Variants in GLG1 observed in about 807,000 individuals in gnomAD.
GLG1 encodes the protein golgi glycoprotein 1.
GLG1 carries 38 observed loss-of-function variants against 160.5 expected under a neutral mutation model. That is an observed-to-expected ratio of 0.24 (90% CI 0.18 to 0.31). The LOEUF (loss-of-function observed/expected upper bound fraction) is 0.31, where lower values mean the gene tolerates loss of function less well. Ranked by LOEUF, GLG1 falls within the 10% of genes least tolerant of loss-of-function variation. The pLI is 1.00. For missense variants in GLG1, 1,373 were observed against 1,505.2 expected (o/e 0.91, Z 1.45); for synonymous variants, 644 against 543.4 (o/e 1.19, Z -2.57).
chr16:74,580,331 T>C (rs1957910389), intron 1 of GLG1, among the ~76,000 whole-genome samples: 1 of 149,604 alleles, frequency 6.7e-6, no homozygotes, highest in South Asian at 2.1e-4. Flanking sequence ...CAAAAAAAAC[T>C]AAAAAAAAAC....
intron 3 of GLG1, among the ~76,000 whole-genome samples, chr16:74,506,593 A>AAAAAAAAC (rs2016615702): frequency 6.7e-6 from 1 of 148,678 alleles, no homozygotes; most frequent in South Asian, 2.1e-4. Context: ...AAAAAAAAAA[A>AAAAAAAAC]AAAAAAAAAA....
At chr16:74,590,242 G>A (rs1004869602) in intron 1 of GLG1, among the ~76,000 whole-genome samples, 11 of 151,886 alleles carry the variant, frequency 7.2e-5, no homozygotes, top group Non-Finnish European at 1.2e-4. Context: ...CTCGTGATCC[G>A]CCCACCTCGG....
intron 22 of GLG1, among the ~76,000 whole-genome samples, chr16:74,460,794 G>A (rs1226538627): frequency 2.0e-5 from 3 of 152,176 alleles, no homozygotes; most frequent in Non-Finnish European, 4.4e-5. Flanking sequence ...CAGATCTCAG[G>A]ACTTGTCAAA....
intron 2 of GLG1, among the ~76,000 whole-genome samples, chr16:74,527,245 C>CTTTTTT (rs71158522): frequency 1.9e-3 from 156 of 83,002 alleles, no homozygotes; most frequent in Non-Finnish European, 2.1e-3. Context: ...TAAGTCAGTT[C>CTTTTTT]TTTTTTTTTT....
intron 1 of GLG1, among the ~76,000 whole-genome samples, chr16:74,550,977 AAG>A (rs2018183677): frequency 6.6e-6 from 1 of 152,192 alleles, no homozygotes; most frequent in Admixed American, 6.5e-5. Flanking sequence ...CTAATGTCTG[AAG>A]TTAGAGCAAC....
chr16:74,453,772 C>T (rs1196563857), intron 25 of GLG1, among the ~76,000 whole-genome samples: 2 of 151,994 alleles, frequency 1.3e-5, no homozygotes, highest in African/African-American at 4.8e-5. Flanking sequence ...GCCATGGGTT[C>T]TTCTATCTTT....
intron 2 of GLG1, among the ~76,000 whole-genome samples, chr16:74,522,959 C>T (rs999635037): frequency 6.6e-6 from 1 of 152,228 alleles, no homozygotes; most frequent in African/African-American, 2.4e-5. Context: ...GCTGGGATTA[C>T]AGGCCAGAGC....
At chr16:74,535,390 T>C in intron 1 of GLG1, among the ~76,000 whole-genome samples, 1 of 152,252 alleles carries the variant, frequency 6.6e-6, no homozygotes, top group East Asian at 1.9e-4. Flanking sequence ...TCTTTTGCTA[T>C]CTTGATTTGC....
intron 4 of GLG1, among the ~76,000 whole-genome samples, chr16:74,501,969 A>G (rs1353593065): frequency 6.6e-6 from 1 of 152,198 alleles, no homozygotes; most frequent in African/African-American, 2.4e-5. Flanking sequence ...CTGTGCTCAT[A>G]TTAAGGAAAG....
chr16:74,469,191 G>T (rs1279913792), intron 16 of GLG1, 128 bp from the exon 17 acceptor site: 2 of 663,394 alleles, frequency 3.0e-6, no homozygotes, highest in Non-Finnish European at 2.7e-6. Context: ...TTCCTGTAAG[G>T]CTCACTGTAT....
At chr16:74,465,021 T>C (rs1418748922) in intron 19 of GLG1, among the ~76,000 whole-genome samples, 1 of 152,102 alleles carries the variant, frequency 6.6e-6, no homozygotes, top group Non-Finnish European at 1.5e-5. Flanking sequence ...GTATTTTTAG[T>C]AGAGACGGGG....
At chr16:74,470,363 T>C (rs536041278) in intron 15 of GLG1, among the ~76,000 whole-genome samples, 9 of 137,312 alleles carry the variant, frequency 6.6e-5, no homozygotes, top group Admixed American at 1.4e-4. Context: ...CCTTCCCTCC[T>C]TCCTTCCTTC....
At chr16:74,604,975 G>A (rs1360993891) in intron 1 of GLG1, among the ~76,000 whole-genome samples, 2 of 152,184 alleles carry the variant, frequency 1.3e-5, no homozygotes, top group Non-Finnish European at 2.9e-5. Flanking sequence ...AAAGCCGGGA[G>A]GTGGAGGTTG....
At chr16:74,553,083 G>A in intron 1 of GLG1, among the ~76,000 whole-genome samples, 1 of 152,004 alleles carries the variant, frequency 6.6e-6, no homozygotes, top group Non-Finnish European at 1.5e-5. Context: ...AGTCGGGTGT[G>A]GCGGCAGGCG....
intron 1 of GLG1, among the ~76,000 whole-genome samples, chr16:74,538,767 C>G (rs1470571515): frequency 7.2e-6 from 1 of 139,702 alleles, no homozygotes; most frequent in East Asian, 2.1e-4. Flanking sequence ...ACATGAGATA[C>G]AGAAGCTGGC....
intron 13 of GLG1, chr16:74,472,758 G>A (rs1281282604): frequency 5.1e-6 from 2 of 395,380 alleles, no homozygotes; most frequent in Admixed American, 6.4e-5. Flanking sequence ...TGAAAACAGG[G>A]GTAACTGATA....
intron 16 of GLG1, 100 bp downstream of exon 16, chr16:74,469,885 C>G: frequency 1.2e-6 from 1 of 800,406 alleles, no homozygotes; most frequent in Non-Finnish European, 2.2e-6. Flanking sequence ...CAGGGCTAAC[C>G]CCACGAGGCA....
intron 11 of GLG1, among the ~76,000 whole-genome samples, chr16:74,479,841 A>G (rs2015533595): frequency 6.6e-6 from 1 of 152,226 alleles, no homozygotes; most frequent in Non-Finnish European, 1.5e-5. Context: ...CAACCAGTCC[A>G]TGGGCAGACA....
intron 25 of GLG1, among the ~76,000 whole-genome samples, chr16:74,456,038 C>T (rs987711036): frequency 1.4e-4 from 21 of 152,184 alleles, no homozygotes; most frequent in African/African-American, 5.1e-4. Flanking sequence ...CTTTCTTCAT[C>T]CCCTTCTTCT....
Sources: gnomAD v4.1 joint callset for allele counts (sites outside exome capture counted in the v4.1 genomes callset) on GRCh38, gnomAD v4.1.1 for gene constraint, MANE v1.5 for transcripts, NCBI Gene and HGNC (gene_info 2026-07-23, HGNC 2026-07-21) for gene names.